Variants in URI1 observed in about 807,000 individuals in gnomAD.
URI1 encodes the protein unconventional prefoldin RPB5 interactor 1.
URI1 carries 39 observed loss-of-function variants against 60.2 expected under a neutral mutation model. The ratio of observed to expected loss-of-function variants is 0.65; its 90% CI spans 0.50 to 0.85. The LOEUF (loss-of-function observed/expected upper bound fraction) is 0.85. Ranked by LOEUF, URI1 falls within the 40% of genes least tolerant of loss-of-function variation. The probability of loss-of-function intolerance (pLI) is 0.00; values close to 1 mark genes in which losing one functional copy is unlikely to be tolerated. For synonymous variants in URI1, 251 were observed against 236.8 expected, an observed-to-expected ratio of 1.06 and a Z score of -0.55; for missense variants, 691 against 665.9, an observed-to-expected ratio of 1.04 and a Z score of -0.42.
At chr19:29,950,288 G>A (rs1464109727) in intron 1 of URI1, among the ~76,000 whole-genome samples, 1 of 152,170 alleles carries the variant, frequency 6.6e-6, no homozygotes, top group Non-Finnish European at 1.5e-5. Flanking sequence ...GAAGGTGCGT[G>A]GAATCTGTGA....
rs759872904 is a variant in URI1, at chr19:30,014,894, C to G, written c.1433C>G (p.Ser478Cys). The stretch of plus-strand genomic sequence containing the variant: ...CTGACTTTTGTTTTCTAGGCTTTTT[C>G]TGGAACTGTTATAGAAAAAGAATTT... ...LPLSVTPEAFSGTVIEKEFVS... is the reference protein window; with the variant it reads ...LPLSVTPEAFCGTVIEKEFVS... Residue 478 changes from serine (S) to cysteine (C), a missense_variant, in exon 11 of 11, where the codon TCT becomes TGT. Physicochemically the swap from Ser to Cys is moderately radical, Grantham distance 112. Transcript: ENST00000392271. 5.0e-6 allele frequency: 8 copies of G among 1,609,094 alleles called. No homozygotes were observed. The highest frequency in any genetic ancestry group is 5.9e-6 in the Non-Finnish European group (7 of 1,177,668).
intron 1 of URI1, among the ~76,000 whole-genome samples, chr19:29,947,873 A>G (rs1317579539): frequency 1.3e-5 from 2 of 152,098 alleles, no homozygotes; most frequent in African/African-American, 2.4e-5. Context: ...TTTTCTGAAG[A>G]TATCCTCTTA....
chr19:29,961,387 C>CTTTAAGTGGATTA (rs1483311841), intron 1 of URI1, among the ~76,000 whole-genome samples: 3 of 151,806 alleles, frequency 2.0e-5, no homozygotes, highest in Non-Finnish European at 2.9e-5. Context: ...ACTCTAAGTA[C>CTTTAAGTGGATTA]CTTTAAGTGG....
intron 4 of URI1, among the ~76,000 whole-genome samples, chr19:30,000,204 C>T (rs1378416740): frequency 1.3e-5 from 2 of 151,740 alleles, no homozygotes; most frequent in African/African-American, 4.8e-5. Flanking sequence ...GCATAGTTTT[C>T]TATGTGTCTG....
At chr19:29,965,843 A>G (rs914109226) in intron 1 of URI1, among the ~76,000 whole-genome samples, 1 of 152,238 alleles carries the variant, frequency 6.6e-6, no homozygotes, top group Non-Finnish European at 1.5e-5. Context: ...GGAGATGTAT[A>G]GTGCCAGAGC....
At position 30,012,550 on chromosome 19, in the gene URI1, T is replaced by C. The variant is rs1383697438; in HGVS notation, c.1425+19T>C. 1.2e-6 allele frequency: 2 copies of C among 1,607,774 alleles called. No homozygotes were observed. Among genetic ancestry groups the C allele is most frequent in the Non-Finnish European group, 1.7e-6 (2 of 1,176,754 alleles). ...ACCTGAGGTGTGTGTGTGTATCTTT[T>C]AATTCTTTATTTCATATAGTATCTT... On this transcript the variant is annotated intron_variant, in intron 10 of 10. Transcript: ENST00000392271.
intron 8 of URI1, 47 bp downstream of exon 8, chr19:30,009,400 T>G: frequency 6.7e-7 from 1 of 1,486,972 alleles, no homozygotes; most frequent in Non-Finnish European, 9.2e-7. Context: ...ATTTGAACAT[T>G]AAGCATTATG....
intron 8 of URI1, 69 bp downstream of exon 8, chr19:30,009,422 A>T: frequency 7.3e-7 from 1 of 1,362,616 alleles, no homozygotes; most frequent in Non-Finnish European, 1.0e-6. Flanking sequence ...TATTTTTTAG[A>T]AGAGCAATAT....
At chr19:29,971,320 T>A in intron 2 of URI1, 93 bp downstream of exon 2, 1 of 1,221,624 alleles carries the variant, frequency 8.2e-7, no homozygotes, top group Non-Finnish European at 1.2e-6. Flanking sequence ...CGTGTGTGTG[T>A]ATGTATGACT....
intron 6 of URI1, among the ~76,000 whole-genome samples, chr19:30,006,410 C>T (rs1463765694): frequency 6.6e-5 from 10 of 152,052 alleles, no homozygotes; most frequent in Admixed American, 5.2e-4. Context: ...GTGATGAACT[C>T]TTAAGATAAC....
intron 4 of URI1, among the ~76,000 whole-genome samples, chr19:29,989,251 C>G (rs1326365722): frequency 6.6e-6 from 1 of 151,546 alleles, no homozygotes; most frequent in Non-Finnish European, 1.5e-5. Context: ...GCTGGGATTA[C>G]AGACATGCGC....
At chr19:29,937,957 A>G (rs1424346513), upstream of URI1, 2 of 152,176 alleles carry the variant, frequency 1.3e-5, no homozygotes, top group African/African-American at 2.4e-5. Flanking sequence ...AACAACCAGC[A>G]GCCTCTTTTT....
At chr19:29,953,922 G>T (rs576758647) in intron 1 of URI1, among the ~76,000 whole-genome samples, 8 of 151,954 alleles carry the variant, frequency 5.3e-5, no homozygotes, top group African/African-American at 1.9e-4. Context: ...AAGATAAAAG[G>T]CATGAAATAT....
intron 1 of URI1, among the ~76,000 whole-genome samples, chr19:29,936,716 T>C (rs1324063823): frequency 6.6e-6 from 1 of 152,208 alleles, no homozygotes; most frequent in Non-Finnish European, 1.5e-5. Flanking sequence ...GATATATGCT[T>C]GATGGCATCA....
At chr19:29,963,030 C>T (rs922671904) in intron 1 of URI1, among the ~76,000 whole-genome samples, 3 of 152,176 alleles carry the variant, frequency 2.0e-5, no homozygotes. Flanking sequence ...CCGCCTACCC[C>T]CAGCTGCACA....
chr19:29,950,499 TG>T (rs1289928552), intron 1 of URI1, among the ~76,000 whole-genome samples: 1 of 152,240 alleles, frequency 6.6e-6, no homozygotes, highest in Non-Finnish European at 1.5e-5. Context: ...AACAATATGA[TG>T]ACCACTGTTT....
At chr19:29,992,702 G>T (rs1387694754) in intron 4 of URI1, among the ~76,000 whole-genome samples, 1 of 152,068 alleles carries the variant, frequency 6.6e-6, no homozygotes, top group Non-Finnish European at 1.5e-5. Flanking sequence ...TCTTTTTTAC[G>T]TTAGAGAGCA....
intron 2 of URI1, among the ~76,000 whole-genome samples, chr19:29,981,887 T>G (rs1269168515): frequency 6.6e-6 from 1 of 152,216 alleles, no homozygotes; most frequent in Non-Finnish European, 1.5e-5. Flanking sequence ...AAAAAAAATC[T>G]GTTCAAATTT....
chr19:29,966,392 C>T (rs2055391669), intron 1 of URI1, among the ~76,000 whole-genome samples: 1 of 152,058 alleles, frequency 6.6e-6, no homozygotes, highest in Non-Finnish European at 1.5e-5. Context: ...CTGGCCTGGG[C>T]CTCAAAGTGC....
Sources: allele counts gnomAD v4.1 joint callset (sites outside exome capture counted in the v4.1 genomes callset), GRCh38; gene constraint gnomAD v4.1.1; transcripts MANE v1.5; gene names NCBI Gene and HGNC (gene_info 2026-07-23, HGNC 2026-07-21).